Variants in SLIT3 observed in about 807,000 individuals in gnomAD.
SLIT3 encodes the protein slit homolog 3 protein.
Under a neutral mutation model 184.0 loss-of-function variants are expected in SLIT3, and 68 were observed. That is an observed-to-expected ratio of 0.37 (90% CI 0.30 to 0.45). The LOEUF is 0.45. Ranked by LOEUF, SLIT3 falls within the 20% of genes least tolerant of loss-of-function variation. SLIT3 has a pLI of 1.00. For synonymous variants in SLIT3, 831 were observed against 828.6 expected (o/e 1.00, Z -0.05); for missense variants, 1,707 against 2,026.0 (o/e 0.84, Z 3.02).
chr5:168,911,199 T>C (rs1335811237), intron 4 of SLIT3, among the ~76,000 whole-genome samples: 1 of 152,150 alleles, frequency 6.6e-6, no homozygotes, highest in Non-Finnish European at 1.5e-5. Flanking sequence ...AAAACACTTG[T>C]GAAGGAATAA....
chr5:168,834,176 T>C (rs1009299933), intron 6 of SLIT3, among the ~76,000 whole-genome samples: 1 of 152,100 alleles, frequency 6.6e-6, no homozygotes, highest in African/African-American at 2.4e-5. Context: ...ATCTCTAGTA[T>C]ACCTGTGGAG....
chr5:169,009,688 T>C (rs1327961903), intron 4 of SLIT3, among the ~76,000 whole-genome samples: 4 of 152,342 alleles, frequency 2.6e-5, no homozygotes, highest in African/African-American at 7.2e-5. Flanking sequence ...AACAAGTTCA[T>C]TGAGCATTCA....
intron 4 of SLIT3, among the ~76,000 whole-genome samples, chr5:168,960,397 T>C (rs745623679): frequency 2.6e-5 from 4 of 152,264 alleles, no homozygotes; most frequent in Non-Finnish European, 5.9e-5. Context: ...TTGTTCTAAG[T>C]GTTTGGTGTG....
chr5:168,833,475 T>A (rs1192934766), intron 6 of SLIT3, among the ~76,000 whole-genome samples: 1 of 152,188 alleles, frequency 6.6e-6, no homozygotes, highest in African/African-American at 2.4e-5. Context: ...TGATGTGGAA[T>A]CTGGTCTCTT....
At chr5:169,176,296 A>G (rs1052473711) in intron 4 of SLIT3, among the ~76,000 whole-genome samples, 2 of 152,198 alleles carry the variant, frequency 1.3e-5, no homozygotes, top group African/African-American at 4.8e-5. Flanking sequence ...TTTACCTGAA[A>G]GAAGGTAGAA....
chr5:169,161,350 C>T (rs1381962386), intron 4 of SLIT3, among the ~76,000 whole-genome samples: 1 of 152,204 alleles, frequency 6.6e-6, no homozygotes, highest in African/African-American at 2.4e-5. Context: ...ACTATTTGCT[C>T]CCCTCCCACC....
At chr5:168,945,767 A>G (rs1158244696) in intron 4 of SLIT3, among the ~76,000 whole-genome samples, 1 of 152,204 alleles carries the variant, frequency 6.6e-6, no homozygotes, top group Non-Finnish European at 1.5e-5. Flanking sequence ...AAACGCATGC[A>G]TATGTGGCTC....
chr5:169,203,351 G>GCGCACACACACACACA (rs1316849336), intron 3 of SLIT3, among the ~76,000 whole-genome samples: 1 of 147,424 alleles, frequency 6.8e-6, no homozygotes, highest in Admixed American at 6.7e-5. Context: ...ATGTGAATGT[G>GCGCACACACACACACA]CACACACACA....
intron 4 of SLIT3, among the ~76,000 whole-genome samples, chr5:169,113,158 G>A (rs569381946): frequency 6.3e-4 from 96 of 152,204 alleles, no homozygotes; most frequent in South Asian, 3.7e-3. Context: ...ACTATCAGCC[G>A]TCCCTAGAAC....
At chr5:168,920,247 T>C (rs547435176) in intron 4 of SLIT3, among the ~76,000 whole-genome samples, 1 of 152,328 alleles carries the variant, frequency 6.6e-6, no homozygotes, top group East Asian at 1.9e-4. Context: ...TATGCACACT[T>C]ACCTGATTCA....
At chr5:168,885,033 C>T (rs915160631) in intron 4 of SLIT3, among the ~76,000 whole-genome samples, 1 of 152,064 alleles carries the variant, frequency 6.6e-6, no homozygotes, top group African/African-American at 2.4e-5. Flanking sequence ...TCTGGGCAGT[C>T]TAAATGAACA....
intron 3 of SLIT3, among the ~76,000 whole-genome samples, chr5:169,235,396 CTT>C (rs986466691): frequency 6.6e-6 from 1 of 152,124 alleles, no homozygotes; most frequent in African/African-American, 2.4e-5. Flanking sequence ...AGCATAAAAA[CTT>C]TTTATATTAG....
At chr5:168,770,762 C>T (rs796161982) in intron 14 of SLIT3, among the ~76,000 whole-genome samples, 8 of 152,208 alleles carry the variant, frequency 5.3e-5, no homozygotes, top group African/African-American at 1.7e-4. Context: ...ATAGGAAAAG[C>T]AGCCAGGATC....
At chr5:168,968,308 C>T (rs970055895) in intron 4 of SLIT3, among the ~76,000 whole-genome samples, 1 of 152,166 alleles carries the variant, frequency 6.6e-6, no homozygotes, top group East Asian at 1.9e-4. Flanking sequence ...ATTGCCTCTC[C>T]CTGTTACCCT....
At chr5:168,898,650 T>A (rs1760768299) in intron 4 of SLIT3, among the ~76,000 whole-genome samples, 1 of 152,236 alleles carries the variant, frequency 6.6e-6, no homozygotes, top group African/African-American at 2.4e-5. Context: ...CGTTCTGAAC[T>A]GTAGCCAGTT....
intron 23 of SLIT3, among the ~76,000 whole-genome samples, chr5:168,715,616 C>A (rs1762699723): frequency 6.6e-6 from 1 of 152,194 alleles, no homozygotes; most frequent in African/African-American, 2.4e-5. Context: ...AGAAAGACTG[C>A]CTGAGAATGA....
intron 20 of SLIT3, among the ~76,000 whole-genome samples, chr5:168,739,645 G>C (rs1273885448): frequency 6.6e-6 from 1 of 151,904 alleles, no homozygotes; most frequent in Admixed American, 6.6e-5. Context: ...GTAGGGACGG[G>C]GTTTCTCCAT....
chr5:169,065,978 G>T (rs1266808596), intron 4 of SLIT3, among the ~76,000 whole-genome samples: 4 of 152,190 alleles, frequency 2.6e-5, no homozygotes, highest in Non-Finnish European at 5.9e-5. Context: ...CTAGCAAAAA[G>T]TGTGCAAGGC....
chr5:168,814,771 A>T (rs1232292052), intron 8 of SLIT3, among the ~76,000 whole-genome samples: 1 of 152,246 alleles, frequency 6.6e-6, no homozygotes, highest in Non-Finnish European at 1.5e-5. Context: ...AGAAACCACA[A>T]TTATTTTTGC....
Sources: allele counts gnomAD v4.1 joint callset (sites outside exome capture counted in the v4.1 genomes callset), GRCh38; gene constraint gnomAD v4.1.1; transcripts MANE v1.5; gene names NCBI Gene and HGNC (gene_info 2026-07-23, HGNC 2026-07-21).